RBMS3: variants seen among roughly 807,000 people sequenced by gnomAD.
The protein encoded by RBMS3 is RNA binding motif single stranded interacting protein 3.
In RBMS3, 27 loss-of-function variants were observed where a neutral mutation model predicts 66.8. The ratio of observed to expected loss-of-function variants is 0.40; its 90% CI spans 0.30 to 0.56. The LOEUF (loss-of-function observed/expected upper bound fraction) is 0.56, where lower values mean the gene tolerates loss of function less well. Ranked by LOEUF, RBMS3 falls within the 20% of genes least tolerant of loss-of-function variation. The probability of loss-of-function intolerance (pLI) is 0.40; values close to 1 mark genes in which losing one functional copy is unlikely to be tolerated. For missense variants in RBMS3, 513 were observed against 549.5 expected, an observed-to-expected ratio of 0.93 and a Z score of 0.66; for synonymous variants, 188 against 183.0, an observed-to-expected ratio of 1.03 and a Z score of -0.22.
intron 5 of RBMS3, among the ~76,000 whole-genome samples, chr3:29,746,069 C>A (rs1324573199): frequency 6.6e-6 from 1 of 151,978 alleles, no homozygotes; most frequent in East Asian, 1.9e-4. Flanking sequence ...CTTCCATCTG[C>A]TGAAATATAA....
At chr3:29,701,890 G>A (rs545708191) in intron 4 of RBMS3, among the ~76,000 whole-genome samples, 23 of 151,618 alleles carry the variant, frequency 1.5e-4, no homozygotes, top group African/African-American at 2.2e-4. Flanking sequence ...GGCGCCGCCC[G>A]GTCCCATCGA....
At chr3:29,410,465 C>A (rs182267167) in intron 1 of RBMS3, among the ~76,000 whole-genome samples, 1 of 152,162 alleles carries the variant, frequency 6.6e-6, no homozygotes, top group African/African-American at 2.4e-5. Flanking sequence ...CCCATCTGTT[C>A]GTTCCGTGAC....
At chr3:29,339,907 G>A (rs1288288019) in intron 1 of RBMS3, among the ~76,000 whole-genome samples, 4 of 152,080 alleles carry the variant, frequency 2.6e-5, no homozygotes, top group Non-Finnish European at 4.4e-5. Flanking sequence ...AGCACATTTT[G>A]TTGCCTGCAG....
At chr3:29,382,918 C>T (rs2038833670) in intron 1 of RBMS3, among the ~76,000 whole-genome samples, 1 of 152,142 alleles carries the variant, frequency 6.6e-6, no homozygotes, top group African/African-American at 2.4e-5. Flanking sequence ...CACACATACT[C>T]ATAGGCTCAT....
rs189888785 is a variant in RBMS3 at position 29,674,959 on chromosome 3, A to G, written c.400-64761A>G. Among the ~76,000 whole-genome samples the G allele has an allele frequency of 9.6e-3, 1,458 of 152,300 alleles. 21 individuals carry two copies. Among genetic ancestry groups the G allele is most frequent in the African/African-American group, 0.029 (1,211 of 41,556 alleles). On this transcript the variant is annotated intron_variant, in intron 4 of 14. Transcript: ENST00000383767. ...CTGCATTGCCAAGGCAATCCTAAGC[A>G]AAAAGAACAAAGCTGGAGGCATCAC...
At chr3:29,390,420 C>T (rs1426963625) in intron 1 of RBMS3, among the ~76,000 whole-genome samples, 1 of 151,886 alleles carries the variant, frequency 6.6e-6, no homozygotes, top group African/African-American at 2.4e-5. Context: ...AAGGCCCTGA[C>T]TATCAATGCA....
At chr3:29,298,249 A>G (rs1311890407) in intron 1 of RBMS3, among the ~76,000 whole-genome samples, 1 of 151,896 alleles carries the variant, frequency 6.6e-6, no homozygotes, top group African/African-American at 2.4e-5. Flanking sequence ...ACTGAGCAAT[A>G]TATTTTGGGC....
chr3:29,784,384 G>A (rs947852184), intron 6 of RBMS3, among the ~76,000 whole-genome samples: 3 of 151,986 alleles, frequency 2.0e-5, no homozygotes, highest in Non-Finnish European at 4.4e-5. Flanking sequence ...CAAAAGGAAC[G>A]CTCAAAACCA....
chr3:29,678,662 A>T (rs1407673925), intron 4 of RBMS3, among the ~76,000 whole-genome samples: 1 of 152,168 alleles, frequency 6.6e-6, no homozygotes, highest in Admixed American at 6.6e-5. Context: ...TTGACAAAAA[A>T]TATTTTGTCA....
At chr3:29,367,192 A>G (rs959247254) in intron 1 of RBMS3, among the ~76,000 whole-genome samples, 10 of 152,198 alleles carry the variant, frequency 6.6e-5, no homozygotes, top group Non-Finnish European at 1.5e-4. Flanking sequence ...TGTGAATTAA[A>G]GAAAAATTAA....
At chr3:29,591,977 G>A (rs1385694455) in intron 4 of RBMS3, among the ~76,000 whole-genome samples, 1 of 151,974 alleles carries the variant, frequency 6.6e-6, no homozygotes. Context: ...ATGTCAAGTA[G>A]CTTGAAAGGC....
intron 3 of RBMS3, among the ~76,000 whole-genome samples, chr3:29,535,035 T>G (rs1370628396): frequency 6.6e-6 from 1 of 152,190 alleles, no homozygotes; most frequent in East Asian, 1.9e-4. Flanking sequence ...GTGTATTTTA[T>G]TCCTGTGAAT....
chr3:29,667,878 A>G (rs2050831216), intron 4 of RBMS3, among the ~76,000 whole-genome samples: 1 of 152,180 alleles, frequency 6.6e-6, no homozygotes, highest in South Asian at 2.1e-4. Context: ...CAATTGTAAC[A>G]CAAAACAAAA....
intron 3 of RBMS3, among the ~76,000 whole-genome samples, chr3:29,535,808 G>A (rs1021251246): frequency 7.2e-6 from 1 of 138,270 alleles, no homozygotes; most frequent in Non-Finnish European, 1.5e-5. Context: ...TGGACTGCAT[G>A]GCTCCCTTCA....
At chr3:29,338,187 C>A (rs963685907) in intron 1 of RBMS3, among the ~76,000 whole-genome samples, 2 of 152,140 alleles carry the variant, frequency 1.3e-5, no homozygotes, top group African/African-American at 4.8e-5. Flanking sequence ...AGCTCCACAT[C>A]TATTTTGTCT....
chr3:29,300,494 T>TATA (rs1224488454), intron 1 of RBMS3, among the ~76,000 whole-genome samples: 4 of 151,964 alleles, frequency 2.6e-5, no homozygotes, highest in Non-Finnish European at 5.9e-5. Context: ...TGAATATGGA[T>TATA]ATAATGACTG....
chr3:29,922,019 G>T lies in RBMS3; in HGVS notation c.940-14067G>T, dbSNP rs141573326. The stretch of plus-strand genomic sequence containing the variant: ...AGTTGAGTGGTAGTAGCATCACCCA[G>T]TGAAAATTTCAGACTAAAAAAAAGA... On this transcript the variant is annotated intron_variant, in intron 10 of 14. Coordinates refer to ENST00000383767, the MANE Select transcript of RBMS3 (RefSeq NM_001003793.3). Among the ~76,000 whole-genome samples, 211 of 152,176 alleles carry T rather than the reference G, an allele frequency of 1.4e-3. 2 individuals are homozygous for T. Among genetic ancestry groups the T allele is most frequent in the African/African-American group, 4.8e-3 (200 of 41,494 alleles).
At chr3:29,955,492 A>G (rs912563409) in intron 12 of RBMS3, among the ~76,000 whole-genome samples, 1 of 151,952 alleles carries the variant, frequency 6.6e-6, no homozygotes, top group African/African-American at 2.4e-5. Flanking sequence ...CAGTATATCC[A>G]TTTTCCTTGG....
At position 30,010,200 on chromosome 3, in the gene RBMS3, G is replaced by A. The variant is rs777233860; in HGVS notation, c.*6338G>A. The stretch of plus-strand genomic sequence containing the variant: ...AGAGCATTTTTGTACTGCTGTCTCT[G>A]ACTGTCATGGAAAGTTCTGTAATTC... On this transcript the variant is annotated 3_prime_UTR_variant, in exon 15 of 15. Transcript: ENST00000383767. 3 of 152,050 alleles carry A rather than the reference G, an allele frequency of 2.0e-5. No homozygotes were observed. Among genetic ancestry groups the A allele is most frequent in the Non-Finnish European group, 4.4e-5 (3 of 68,006 alleles). 9.4% of individuals were successfully genotyped at this position (152,050 alleles called of 1,614,324 possible).
Sources: gnomAD v4.1 joint callset for allele counts (sites outside exome capture counted in the v4.1 genomes callset) on GRCh38, gnomAD v4.1.1 for gene constraint, MANE v1.5 for transcripts, NCBI Gene and HGNC (gene_info 2026-07-23, HGNC 2026-07-21) for gene names.